The following THOC2 variants were observed in gnomAD, a reference collection of about 807,000 sequenced individuals.
The protein encoded by THOC2 is THO complex 2.
THOC2 carries 10 observed loss-of-function variants against 128.4 expected under a neutral mutation model. The observed-to-expected ratio is 0.08, with a 90% confidence interval of 0.05 to 0.13. The LOEUF (loss-of-function observed/expected upper bound fraction) is 0.13, where lower values mean the gene tolerates loss of function less well. THOC2 is among the 10% of genes least tolerant of loss of function. The pLI, the probability that THOC2 is intolerant of heterozygous loss-of-function variation, is 1.00. For synonymous variants in THOC2, 393 were observed against 396.9 expected, an observed-to-expected ratio of 0.99 and a Z score of 0.12; for missense variants, 535 against 1,155.7, an observed-to-expected ratio of 0.46 and a Z score of 7.79.
intron 12 of THOC2, among the ~76,000 whole-genome samples, chrX:123,646,459 A>C (rs2048130261): frequency 8.9e-6 from 1 of 112,361 alleles, no homozygotes; most frequent in Admixed American, 9.5e-5. Context: ...AGTGAGAAAG[A>C]GGGAAAAGCT....
intron 1 of THOC2, among the ~76,000 whole-genome samples, chrX:123,725,121 A>C (rs893949087): frequency 9.3e-6 from 1 of 107,465 alleles, no homozygotes; most frequent in African/African-American, 3.4e-5. Flanking sequence ...AAAAACAAAG[A>C]AAGAAAATGT....
chrX:123,693,438 C>T (rs189916352), intron 7 of THOC2, among the ~76,000 whole-genome samples: 38 of 111,963 alleles, frequency 3.4e-4, no homozygotes, highest in Non-Finnish European at 5.5e-4. Flanking sequence ...TGCACTCTAG[C>T]CTGGGCAACA....
chrX:123,654,591 T>C (rs768671879), intron 12 of THOC2, among the ~76,000 whole-genome samples: 1 of 101,819 alleles, frequency 9.8e-6, no homozygotes, highest in Non-Finnish European at 2.0e-5. Context: ...CCTTCTCTAC[T>C]AAAAAAAAAT....
At chrX:123,618,687 A>G (rs186160286) in intron 33 of THOC2, among the ~76,000 whole-genome samples, 4 of 112,129 alleles carry the variant, frequency 3.6e-5, no homozygotes, top group African/African-American at 1.3e-4. Context: ...ACAAAGACAA[A>G]ACAACATGAA....
At chrX:123,622,625 G>C (rs1460550627) in intron 30 of THOC2, 133 bp downstream of exon 30, 3 of 417,256 alleles carry the variant, frequency 7.2e-6, no homozygotes, top group African/African-American at 5.0e-5. Context: ...AGCCAAGGCA[G>C]GTGGATCGCT....
intron 21 of THOC2, among the ~76,000 whole-genome samples, chrX:123,632,489 C>CAAAAAA (rs11324625): frequency 1.5e-3 from 51 of 35,149 alleles, no homozygotes; most frequent in Non-Finnish European, 2.1e-3. Context: ...GGCTTTGTCT[C>CAAAAAA]AAAAAAAAAA....
intron 12 of THOC2, among the ~76,000 whole-genome samples, chrX:123,658,715 C>G (rs953687945): frequency 8.9e-6 from 1 of 112,039 alleles, no homozygotes; most frequent in Non-Finnish European, 1.9e-5. Context: ...GATAAATGAG[C>G]AGAGCACAGA....
intron 20 of THOC2, 56 bp downstream of exon 20, chrX:123,633,897 G>T: frequency 2.8e-6 from 2 of 717,908 alleles, no homozygotes; most frequent in South Asian, 2.6e-5. Flanking sequence ...TCTTTACTAT[G>T]ACCGTGCATA....
chrX:123,665,082 G>C (rs2048996756), intron 12 of THOC2, among the ~76,000 whole-genome samples: 2 of 111,256 alleles, frequency 1.8e-5, no homozygotes, highest in Non-Finnish European at 3.8e-5. Flanking sequence ...CTAGATTTGG[G>C]TTTATATTAA....
At position 123,712,911 on chromosome X, in the gene THOC2, A is replaced by G; in HGVS notation, c.72-3T>C. ...TGAGGATCCGACATAAATGCAAACT[A>G]GAATAAAATAGAAAACATGTATTTC... On this transcript the variant is annotated splice_polypyrimidine_tract_variant and splice_region_variant and intron_variant, in intron 1 of 38. Coordinates refer to ENST00000245838, the MANE Select transcript of THOC2 (RefSeq NM_001081550.2). 8.9e-7 allele frequency: 1 copy of G among 1,129,822 alleles called. No homozygotes were observed. Among genetic ancestry groups the G allele is most frequent in the Non-Finnish European group, 1.2e-6 (1 of 839,205 alleles). The allele number at this position is 1,129,822 out of a possible 1,213,427, so 93.1% of individuals were successfully genotyped here. A position where few individuals can be genotyped will look rare whatever the true frequency, so the allele number is the denominator to read the frequency against.
At chrX:123,647,178 A>G (rs1214493712) in intron 12 of THOC2, among the ~76,000 whole-genome samples, 1 of 111,962 alleles carries the variant, frequency 8.9e-6, no homozygotes, top group East Asian at 2.8e-4. Context: ...AAATAAAACC[A>G]TCTAGAAGAG....
chrX:123,672,336 T>C (rs1178270779), intron 8 of THOC2, among the ~76,000 whole-genome samples: 2 of 106,057 alleles, frequency 1.9e-5, no homozygotes, highest in African/African-American at 6.9e-5. Flanking sequence ...GGGGTCTCAC[T>C]ATGTTGCCCA....
At chrX:123,606,105 AAC>A (rs778118856) in intron 38 of THOC2, among the ~76,000 whole-genome samples, 28 of 110,742 alleles carry the variant, frequency 2.5e-4, no homozygotes, top group African/African-American at 8.9e-4. Context: ...TTTAAAAACA[AAC>A]AGATTTTTAA....
intron 12 of THOC2, among the ~76,000 whole-genome samples, chrX:123,648,464 A>G (rs765704089): frequency 9.0e-6 from 1 of 111,361 alleles, no homozygotes; most frequent in South Asian, 3.8e-4. Flanking sequence ...GCGAGACAGA[A>G]CCATCCACTC....
intron 12 of THOC2, among the ~76,000 whole-genome samples, chrX:123,655,433 G>A (rs767602607): frequency 5.4e-5 from 6 of 111,693 alleles, no homozygotes; most frequent in African/African-American, 1.9e-4. Flanking sequence ...TGGAACTACT[G>A]GTCTAAGGCA....
At chrX:123,601,597 G>A (rs925601432) in intron 38 of THOC2, 1 of 110,342 alleles carries the variant, frequency 9.1e-6, no homozygotes, top group African/African-American at 3.3e-5. Context: ...GAGTTCCATC[G>A]GTAACAAAGA....
chrX:123,603,414 C>G (rs997687734), intron 38 of THOC2: 4 of 346,361 alleles, frequency 1.2e-5, no homozygotes, highest in African/African-American at 5.4e-5. Flanking sequence ...AGGCGATTTC[C>G]TCTCCTTTCA....
chrX:123,653,296 G>A (rs1710631), intron 12 of THOC2, among the ~76,000 whole-genome samples: 12,941 of 111,381 alleles, frequency 0.12, 750 homozygotes, highest in Middle Eastern at 0.21. Flanking sequence ...AGACTTAAAC[G>A]TTAAGACCTC....
At chrX:123,703,390 T>A in intron 4 of THOC2, 64 bp downstream of exon 4, 1 of 739,108 alleles carries the variant, frequency 1.4e-6, no homozygotes, top group African/African-American at 2.1e-5. Flanking sequence ...TAAAACATTT[T>A]ATTTAACAAA....
Sources: allele counts gnomAD v4.1 joint callset (sites outside exome capture counted in the v4.1 genomes callset), GRCh38; gene constraint gnomAD v4.1.1; transcripts MANE v1.5; gene names NCBI Gene and HGNC (gene_info 2026-07-23, HGNC 2026-07-21).